The following EIF4EBP1 variants were observed in gnomAD, a reference collection of about 807,000 sequenced individuals.
The protein encoded by EIF4EBP1 is eukaryotic translation initiation factor 4E-binding protein 1.
In EIF4EBP1, 5 loss-of-function variants were observed where a neutral mutation model predicts 9.2. The observed-to-expected ratio is 0.54, with a 90% CI of 0.28 to 1.14. EIF4EBP1 has a LOEUF of 1.14. EIF4EBP1 is among the 50% of genes most tolerant of loss of function. The probability of loss-of-function intolerance (pLI) is 0.09; values close to 1 mark genes in which losing one functional copy is unlikely to be tolerated. For missense variants in EIF4EBP1, 139 were observed against 169.6 expected, an observed-to-expected ratio of 0.82 and a Z score of 1.00; for synonymous variants, 62 against 67.0, an observed-to-expected ratio of 0.93 and a Z score of 0.36.
At chr8:38,053,696 T>C (rs1482895598) in intron 1 of EIF4EBP1, among the ~76,000 whole-genome samples, 2 of 152,150 alleles carry the variant, frequency 1.3e-5, no homozygotes, top group East Asian at 3.8e-4. Context: ...GCGCGCACAC[T>C]CTCAATGGGA....
At chr8:38,034,782 AG>A (rs1809275984) in intron 1 of EIF4EBP1, among the ~76,000 whole-genome samples, 1 of 152,218 alleles carries the variant, frequency 6.6e-6, no homozygotes, top group Non-Finnish European at 1.5e-5. Context: ...TGAAACAGGC[AG>A]TGCTGGGAAG....
chr8:38,058,743 C>G (rs571759396), intron 2 of EIF4EBP1, among the ~76,000 whole-genome samples: 6 of 152,288 alleles, frequency 3.9e-5, no homozygotes, highest in Admixed American at 3.9e-4. Context: ...TGAAACTAAA[C>G]AAGTTATCTA....
chr8:38,057,161 C>T lies in EIF4EBP1; in HGVS notation c.226C>T (p.Pro76Ser). The T allele has an allele frequency of 2.5e-6, 4 of 1,614,248 alleles. No individual in the cohort carries two copies. Among genetic ancestry groups the T allele is most frequent in the Non-Finnish European group, 3.4e-6 (4 of 1,180,038 alleles). Residue 76 changes from proline to serine, a missense_variant, in exon 2 of 3, where the codon CCC (proline) becomes TCC (serine). By Grantham distance (74) the Pro-to-Ser change is moderately conservative (BLOSUM62 -1). Transcript: ENST00000338825. ...PVTKTPPRDL[P>S]TIPGVTSPSS... ...GACCAAAACACCCCCAAGGGATCTGCCCACCATTCCGGGGGTCACCAGCCC... is the reference window on the plus strand; with the variant it reads ...GACCAAAACACCCCCAAGGGATCTGTCCACCATTCCGGGGGTCACCAGCCC...
At chr8:38,051,219 G>A (rs567845161) in intron 1 of EIF4EBP1, among the ~76,000 whole-genome samples, 2 of 152,202 alleles carry the variant, frequency 1.3e-5, no homozygotes, top group South Asian at 2.1e-4. Flanking sequence ...TGGGGCAAAC[G>A]GAGAACTTGC....
Position 38,030,675 on chromosome 8 carries a change from C to T in EIF4EBP1, c.102C>T (p.Tyr34=). Residue 34 remains tyrosine, a synonymous_variant, in exon 1 of 3, where the codon TAC becomes TAT. Transcript: ENST00000338825. ...GCGTGCAGCTCCCGCCCGGGGACTA[C>T]AGCACGACCCCCGGCGGCACGCTCT... is the stretch of plus-strand genomic sequence containing the variant. The part of the protein sequence containing the change: ...GDGVQLPPGD[Y]STTPGGTLFS... 6.7e-7 allele frequency: 1 copy of T among 1,489,982 alleles called. No individual in the cohort carries two copies. Among genetic ancestry groups the T allele is most frequent in the Non-Finnish European group, 8.9e-7 (1 of 1,125,872 alleles). The allele number at this position is 1,489,982 out of a possible 1,614,324, so 92.3% of individuals were successfully genotyped here.
At chr8:38,035,898 G>C (rs1480908375) in intron 1 of EIF4EBP1, among the ~76,000 whole-genome samples, 1 of 150,434 alleles carries the variant, frequency 6.6e-6, no homozygotes, top group Non-Finnish European at 1.5e-5. Flanking sequence ...TAGTAGAGAT[G>C]GGGTTTCACC....
rs542417880 is a variant in EIF4EBP1 at position 38,048,289 on chromosome 8, A to T, written c.146-8792A>T. On this transcript the variant is annotated intron_variant, in intron 1 of 2. Transcript: ENST00000338825. Reference sequence around the variant, plus strand: ...CCCTGTTTCAAAAAAAAAAAAATTTAAACTAAAATTAAAAGTAAACATTTG... The same window carrying T: ...CCCTGTTTCAAAAAAAAAAAAATTTTAACTAAAATTAAAAGTAAACATTTG... 2.0e-4 allele frequency among the ~76,000 whole-genome samples: 31 copies of T among 152,166 alleles called. No individual in the cohort carries two copies. The South Asian group carries it at 5.2e-3, about 25-fold the overall frequency.
intron 1 of EIF4EBP1, among the ~76,000 whole-genome samples, chr8:38,042,048 A>G (rs1809388528): frequency 6.6e-6 from 1 of 151,916 alleles, no homozygotes; most frequent in Admixed American, 6.6e-5. Flanking sequence ...CCGCTAAGCA[A>G]TCTATTCCTC....
chr8:38,051,721 C>G (rs1809527691), intron 1 of EIF4EBP1, among the ~76,000 whole-genome samples: 1 of 152,172 alleles, frequency 6.6e-6, no homozygotes. Context: ...GCCTCAGCCT[C>G]CTGAGTAGCT....
At chr8:38,040,775 C>T (rs1809367424) in intron 1 of EIF4EBP1, among the ~76,000 whole-genome samples, 1 of 152,202 alleles carries the variant, frequency 6.6e-6, no homozygotes, top group Non-Finnish European at 1.5e-5. Flanking sequence ...GGCCTAGGCT[C>T]AGAAGTCCCA....
intron 1 of EIF4EBP1, 74 bp downstream of exon 1, chr8:38,030,792 G>A (rs1014745109): frequency 6.6e-6 from 9 of 1,368,880 alleles, no homozygotes; most frequent in Admixed American, 3.8e-5. Context: ...GGATTGGACC[G>A]GGTGTCCAGG....
chr8:38,048,861 G>A (rs1287221474), intron 1 of EIF4EBP1, among the ~76,000 whole-genome samples: 6 of 151,998 alleles, frequency 3.9e-5, no homozygotes, highest in African/African-American at 1.4e-4. Flanking sequence ...GGGTACGGTG[G>A]CTCATGCCTG....
intron 1 of EIF4EBP1, among the ~76,000 whole-genome samples, chr8:38,046,811 G>T (rs779062643): frequency 2.6e-5 from 4 of 152,174 alleles, no homozygotes; most frequent in Non-Finnish European, 4.4e-5. Context: ...GGTTTCCAAA[G>T]GATTTCAGGT....
intron 1 of EIF4EBP1, among the ~76,000 whole-genome samples, chr8:38,042,039 C>T (rs894957683): frequency 2.0e-5 from 3 of 152,000 alleles, no homozygotes; most frequent in Non-Finnish European, 2.9e-5. Flanking sequence ...GATGCTGGAC[C>T]GCTAAGCAAT....
At chr8:38,054,708 C>T (rs547254345) in intron 1 of EIF4EBP1, among the ~76,000 whole-genome samples, 5 of 152,186 alleles carry the variant, frequency 3.3e-5, no homozygotes, top group Middle Eastern at 3.4e-3. Flanking sequence ...AGAACCAAAA[C>T]AAATCTGGGT....
At chr8:38,034,144 T>C (rs1465784602) in intron 1 of EIF4EBP1, among the ~76,000 whole-genome samples, 2 of 152,096 alleles carry the variant, frequency 1.3e-5, no homozygotes, top group African/African-American at 4.8e-5. Flanking sequence ...ACTCCTGGGC[T>C]CAAGTGATCC....
intron 1 of EIF4EBP1, among the ~76,000 whole-genome samples, chr8:38,032,702 T>G (rs1046322997): frequency 1.2e-4 from 19 of 152,158 alleles, no homozygotes; most frequent in Non-Finnish European, 2.4e-4. Flanking sequence ...AAGCTAGCAG[T>G]GCCAGGAGCC....
intron 1 of EIF4EBP1, among the ~76,000 whole-genome samples, chr8:38,052,647 G>A (rs181025840): frequency 8.1e-4 from 123 of 152,064 alleles, no homozygotes; most frequent in Admixed American, 3.5e-3. Flanking sequence ...GAACCCAGGA[G>A]GCAGAGGTTA....
At chr8:38,041,914 C>T (rs1035055778) in intron 1 of EIF4EBP1, among the ~76,000 whole-genome samples, 34 of 152,026 alleles carry the variant, frequency 2.2e-4, no homozygotes, top group Non-Finnish European at 4.4e-4. Flanking sequence ...ATCTCTGGAG[C>T]CCAGGAATTT....
Sources: gnomAD v4.1 joint callset for allele counts (sites outside exome capture counted in the v4.1 genomes callset) on GRCh38, gnomAD v4.1.1 for gene constraint, MANE v1.5 for transcripts, NCBI Gene and HGNC (gene_info 2026-07-23, HGNC 2026-07-21) for gene names.